The following HSD17B4 variants were observed in gnomAD, a reference collection of about 807,000 sequenced individuals.
HSD17B4 encodes the protein peroxisomal multifunctional enzyme type 2.
HSD17B4 carries 70 observed loss-of-function variants against 101.0 expected under a neutral mutation model. The observed-to-expected ratio is 0.69, with a 90% CI of 0.57 to 0.85. The LOEUF (loss-of-function observed/expected upper bound fraction) is 0.85, where lower values mean the gene tolerates loss of function less well. Among genes scored for constraint, HSD17B4 ranks in the 40% least tolerant of loss-of-function variants. The pLI is 0.00. For missense variants in HSD17B4, 984 were observed against 892.4 expected (o/e 1.10, Z -1.31); for synonymous variants, 347 against 297.1 (o/e 1.17, Z -1.73).
chr5:119,460,716 T>C (rs1323212706), intron 2 of HSD17B4, among the ~76,000 whole-genome samples: 1 of 152,232 alleles, frequency 6.6e-6, no homozygotes, highest in Admixed American at 6.5e-5. Flanking sequence ...GTCCCTACTT[T>C]CATGGTGCAT....
At chr5:119,537,555 A>G (rs1754637720) in intron 23 of HSD17B4, among the ~76,000 whole-genome samples, 1 of 152,162 alleles carries the variant, frequency 6.6e-6, no homozygotes, top group Admixed American at 6.6e-5. Flanking sequence ...ACCCTACTGT[A>G]TGGAGCTTCT....
intron 16 of HSD17B4, chr5:119,509,463 C>G (rs888804460): frequency 1.5e-6 from 1 of 679,480 alleles, no homozygotes; most frequent in Non-Finnish European, 2.7e-6. Context: ...GGATGAAGAC[C>G]TTTATGATGA....
chr5:119,468,217 C>T (rs1034145822), intron 2 of HSD17B4, among the ~76,000 whole-genome samples: 1 of 151,974 alleles, frequency 6.6e-6, no homozygotes, highest in Admixed American at 6.6e-5. Flanking sequence ...GAGTTTTAAG[C>T]TTTCATATGT....
At chr5:119,485,045 A>T (rs1226016090) in intron 8 of HSD17B4, among the ~76,000 whole-genome samples, 1 of 152,190 alleles carries the variant, frequency 6.6e-6, no homozygotes, top group African/African-American at 2.4e-5. Flanking sequence ...TGTAATGAAT[A>T]TTCATGAACT....
chr5:119,495,846 T>C (rs964960419), intron 11 of HSD17B4: 1 of 153,744 alleles, frequency 6.5e-6, no homozygotes, highest in Non-Finnish European at 1.4e-5. Context: ...AATTTTTGTA[T>C]TTTTACAAAA....
chr5:119,513,636 G>A (rs1484797680), intron 16 of HSD17B4, among the ~76,000 whole-genome samples: 1 of 152,134 alleles, frequency 6.6e-6, no homozygotes, highest in Non-Finnish European at 1.5e-5. Context: ...CATCCACCTC[G>A]TGCTCCCTGT....
rs1173685826 is a variant in HSD17B4 at position 119,529,969 on chromosome 5, A to G, written c.1843A>G (p.Thr615Ala). ...ACCAACATCTGGTACTTCAGCTAAG[A>G]CACCCTCTGAGGTAGGTTATAAAAA... ...LAPTSGTSAK[T>A]PSEGGKLQST... is the part of the protein sequence containing the mutation. Residue 615 changes from threonine (T) to alanine (A), a missense_variant, in exon 21 of 24, where the codon ACA becomes GCA. Coordinates refer to ENST00000510025, the MANE Select transcript of HSD17B4 (RefSeq NM_000414.4). The G allele has an allele frequency of 5.0e-6, 8 of 1,595,214 alleles. No individual in the cohort carries two copies. The highest frequency in any genetic ancestry group is 6.0e-6 in the Non-Finnish European group (7 of 1,163,256).
At chr5:119,480,929 T>C (rs1224199709) in intron 8 of HSD17B4, among the ~76,000 whole-genome samples, 1 of 152,230 alleles carries the variant, frequency 6.6e-6, no homozygotes, top group Non-Finnish European at 1.5e-5. Context: ...GGCTCTGTTC[T>C]GCTCGGCTCA....
At chr5:119,503,868 G>T (rs1751418517) in intron 14 of HSD17B4, among the ~76,000 whole-genome samples, 1 of 152,000 alleles carries the variant, frequency 6.6e-6, no homozygotes, top group Non-Finnish European at 1.5e-5. Context: ...TAAACTTTGG[G>T]ATATGAATGA....
At chr5:119,520,675 ACCC>A (rs1232513302) in intron 17 of HSD17B4, among the ~76,000 whole-genome samples, 3 of 151,968 alleles carry the variant, frequency 2.0e-5, no homozygotes, top group Non-Finnish European at 4.4e-5. Context: ...AACAGTGGTA[ACCC>A]CCACCTTTTT....
chr5:119,485,211 C>T (rs1362881571), intron 8 of HSD17B4, among the ~76,000 whole-genome samples: 1 of 152,034 alleles, frequency 6.6e-6, no homozygotes, highest in Non-Finnish European at 1.5e-5. Context: ...CACTTTTTGC[C>T]ATCGGTTCTA....
At chr5:119,539,038 G>T (rs930555425) in intron 23 of HSD17B4, among the ~76,000 whole-genome samples, 8 of 152,078 alleles carry the variant, frequency 5.3e-5, no homozygotes, top group Non-Finnish European at 1.0e-4. Context: ...TTCAATGTCA[G>T]AAGTTTAGGC....
intron 2 of HSD17B4, among the ~76,000 whole-genome samples, chr5:119,470,159 C>G (rs1305770474): frequency 6.6e-6 from 1 of 151,544 alleles, no homozygotes; most frequent in African/African-American, 2.4e-5. Flanking sequence ...CCTTTCTCTT[C>G]CTGGTGGCAG....
intron 12 of HSD17B4, among the ~76,000 whole-genome samples, chr5:119,498,286 T>C (rs1750830854): frequency 6.6e-6 from 1 of 152,214 alleles, no homozygotes; most frequent in South Asian, 2.1e-4. Flanking sequence ...GCAAACCTTT[T>C]TGATGAAGGG....
intron 4 of HSD17B4, among the ~76,000 whole-genome samples, 175 bp downstream of exon 4, chr5:119,474,635 C>G (rs1419116684): frequency 6.6e-6 from 1 of 152,050 alleles, no homozygotes; most frequent in Non-Finnish European, 1.5e-5. Context: ...ATTGAGGTGG[C>G]AATTTTATGG....
chr5:119,531,350 A>C lies in HSD17B4; in HGVS notation c.1939A>C (p.Asn647His). 6.2e-7 allele frequency: 1 copy of C among 1,613,662 alleles called. No individual in the cohort carries two copies. Among genetic ancestry groups the C allele is most frequent in the Non-Finnish European group, 8.5e-7 (1 of 1,179,700 alleles). The change falls in exon 22 of 24, where the codon AAT becomes CAT. Residue 647 changes from asparagine to histidine, a missense_variant. Physicochemically the swap from Asn to His is moderately conservative, Grantham distance 68. Coordinates refer to ENST00000510025, the MANE Select transcript of HSD17B4 (RefSeq NM_000414.4). ...TGGGCCTGAGGTGGTGAAGAAAGTA[A>C]ATGCTGTATTTGAGTGGCATATAAC... Reference protein sequence around the residue: ...DIGPEVVKKVNAVFEWHITKG... With the variant: ...DIGPEVVKKVHAVFEWHITKG...
intron 16 of HSD17B4, among the ~76,000 whole-genome samples, chr5:119,510,707 T>C (rs1448200334): frequency 7.2e-5 from 11 of 152,204 alleles, no homozygotes; most frequent in African/African-American, 2.7e-4. Flanking sequence ...GTAAGAACAG[T>C]GAGACTGTGT....
At chr5:119,536,313 G>A in intron 22 of HSD17B4, 110 bp from the exon 23 acceptor site, 1 of 980,026 alleles carries the variant, frequency 1.0e-6, no homozygotes, top group East Asian at 2.4e-5. Context: ...TAGAATAAGT[G>A]CCACATTAAC....
At chr5:119,491,312 G>A (rs1750079927) in intron 9 of HSD17B4, among the ~76,000 whole-genome samples, 2 of 152,144 alleles carry the variant, frequency 1.3e-5, no homozygotes, top group South Asian at 2.1e-4. Flanking sequence ...ATGATGAAAA[G>A]CCACACCCTT....
Sources: gnomAD v4.1 joint callset for allele counts (sites outside exome capture counted in the v4.1 genomes callset) on GRCh38, gnomAD v4.1.1 for gene constraint, MANE v1.5 for transcripts, NCBI Gene and HGNC (gene_info 2026-07-23, HGNC 2026-07-21) for gene names.